The following FOXN1 variants were observed in gnomAD, a reference collection of about 807,000 sequenced individuals.
FOXN1 encodes forkhead box protein N1.
FOXN1 carries 15 observed loss-of-function variants against 49.0 expected under a neutral mutation model. The ratio of observed to expected loss-of-function variants is 0.31; its 90% CI spans 0.20 to 0.47. The LOEUF (loss-of-function observed/expected upper bound fraction) is 0.47, where lower values mean the gene tolerates loss of function less well. FOXN1 is among the 20% of genes least tolerant of loss of function. FOXN1 has a pLI of 1.00. For missense variants in FOXN1, 800 were observed against 842.8 expected (o/e 0.95, Z 0.63); for synonymous variants, 356 against 369.0 (o/e 0.96, Z 0.40).
chr17:28,526,674 T>C (rs940579952), intron 3 of FOXN1, among the ~76,000 whole-genome samples: 3 of 152,128 alleles, frequency 2.0e-5, no homozygotes, highest in African/African-American at 7.2e-5. Context: ...GCATCAGGGA[T>C]GGCCAGGAGT....
intron 1 of FOXN1, among the ~76,000 whole-genome samples, chr17:28,523,374 G>A (rs941049161): frequency 3.3e-5 from 5 of 152,186 alleles, no homozygotes; most frequent in African/African-American, 1.2e-4. Context: ...TACACACTGT[G>A]GTCACATCAG....
chr17:28,537,377 G>A lies in FOXN1; in HGVS notation c.1888G>A (p.Ala630Thr). 6.2e-7 allele frequency: 1 copy of A among 1,612,784 alleles called. No homozygotes were observed. The highest frequency in any genetic ancestry group is 8.5e-7 in the Non-Finnish European group (1 of 1,179,444). ...GGAGCTGGAGCCCACGCCCCCCACG[G>A]CCCCTGCAGGCCCCTCTGTGTACCT... ...FMELEPTPPT[A>T]PAGPSVYLSP... The change falls in exon 9 of 9, where the codon GCC (alanine) becomes ACC (threonine). Residue 630 changes from alanine (A) to threonine (T), a missense_variant. Transcript: ENST00000579795.
chr17:28,519,237 G>A (rs1441187728), intron 1 of FOXN1, among the ~76,000 whole-genome samples: 3 of 152,118 alleles, frequency 2.0e-5, no homozygotes, highest in Non-Finnish European at 2.9e-5. Flanking sequence ...AGGCTAAGGC[G>A]GGAGGATCAG....
chr17:28,513,843 G>A (rs2069441351), intron 1 of FOXN1, among the ~76,000 whole-genome samples: 1 of 152,244 alleles, frequency 6.6e-6, no homozygotes. Flanking sequence ...GAGAGGGGCT[G>A]GAGAGACGGG....
intron 1 of FOXN1, among the ~76,000 whole-genome samples, chr17:28,523,495 A>G (rs1449935329): frequency 6.6e-6 from 1 of 151,136 alleles, no homozygotes; most frequent in East Asian, 2.0e-4. Flanking sequence ...GCACCAGCTC[A>G]CTCTCCCCTC....
chr17:28,535,563 A>T (rs1271462679), intron 8 of FOXN1, among the ~76,000 whole-genome samples: 1 of 152,178 alleles, frequency 6.6e-6, no homozygotes, highest in Non-Finnish European at 1.5e-5. Context: ...CAGCTTGGCC[A>T]ACATGGAGAA....
intron 2 of FOXN1, 61 bp downstream of exon 2, chr17:28,524,153 G>A: frequency 6.6e-7 from 1 of 1,519,294 alleles, no homozygotes; most frequent in Non-Finnish European, 8.9e-7. Flanking sequence ...CAGGCAACAA[G>A]AAGACCAGTC....
chr17:28,524,136 G>A (rs528150995), intron 2 of FOXN1, 44 bp downstream of exon 2: 36 of 1,539,814 alleles, frequency 2.3e-5, no homozygotes, highest in Middle Eastern at 2.3e-4. Flanking sequence ...CAAGGCCTGC[G>A]GCTGCCCAGG....
chr17:28,514,932 A>G (rs2069465033), intron 1 of FOXN1, among the ~76,000 whole-genome samples: 1 of 152,226 alleles, frequency 6.6e-6, no homozygotes, highest in African/African-American at 2.4e-5. Context: ...GGCGTTACCA[A>G]GGTGGGGCCG....
rs368261937 is a variant in FOXN1, at chr17:28,535,093, G to A, written c.1522G>A (p.Glu508Lys). The A allele has an allele frequency of 3.4e-5, 55 of 1,607,186 alleles. No homozygotes were observed. The highest frequency in any genetic ancestry group is 8.9e-5 in the East Asian group (4 of 44,756). The change falls in exon 8 of 9, where the codon GAG becomes AAG. Residue 508 changes from glutamate to lysine, a missense_variant. By Grantham distance (56) the Glu-to-Lys change is moderately conservative. Transcript: ENST00000579795. ...CAGCCACAGTGCCAAGCTACTGGCC[G>A]AGCCTTCCCCAGCCAGGACTATGCA... ...PPSHSAKLLA[E>K]PSPARTMHDT... is the part of the protein sequence containing the mutation.
intron 8 of FOXN1, among the ~76,000 whole-genome samples, chr17:28,535,643 C>T (rs1033213296): frequency 6.6e-6 from 1 of 152,132 alleles, no homozygotes. Context: ...CCCAGCTACT[C>T]GAGGCTAGAG....
At position 28,524,955 on chromosome 17, in the gene FOXN1, C is replaced by T; in HGVS notation, c.576C>T (p.Gly192=). 1 of 1,608,864 alleles carries T rather than the reference C, an allele frequency of 6.2e-7. No homozygotes were observed. The highest frequency in any genetic ancestry group is 8.5e-7 in the Non-Finnish European group (1 of 1,178,292). ...NGLPYPSQEH[G]PQVLGSEVKV... ...TCCCCTACCCCAGCCAGGAGCATGG[C>T]CCCCAAGTCCTGGTGAGTACTAGTG... The change falls in exon 3 of 9, where the codon GGC becomes GGT. Residue 192 remains glycine, a synonymous_variant. Transcript: ENST00000579795.
intron 1 of FOXN1, among the ~76,000 whole-genome samples, chr17:28,510,503 C>T (rs1165981813): frequency 4.0e-5 from 6 of 151,510 alleles, no homozygotes; most frequent in East Asian, 1.9e-4. Context: ...AGCCATGTCC[C>T]GGACTGCACC....
intron 1 of FOXN1, among the ~76,000 whole-genome samples, chr17:28,515,284 CACTTCCACAGGGTACAT>C (rs2069471427): frequency 6.6e-6 from 1 of 151,662 alleles, no homozygotes; most frequent in African/African-American, 2.4e-5. Flanking sequence ...ACAGGGTACA[CACTTCCACAGGGTACAT>C]ACCTCCAAAG....
Position 28,534,772 on chromosome 17 carries a change from C to A in FOXN1, c.1201C>A (p.Pro401Thr). The stretch of plus-strand genomic sequence containing the variant: ...GGGCTCCCCACTCCTGGGCTGTCCG[C>A]CCCCTGGGCTGTCCGGCTCAGGCCC... The part of the protein sequence containing the change: ...KLGSPLLGCP[P>T]PGLSGSGPIR... The change falls in exon 8 of 9, where the codon CCC (proline) becomes ACC (threonine). Residue 401 changes from proline to threonine, a missense_variant. Physicochemically the swap from Pro to Thr is conservative, Grantham distance 38. Transcript: ENST00000579795. The surrounding 1 kb of genome is among the most constrained non-coding windows in gnomAD (Gnocchi z 4.1). 2 of 1,613,174 alleles carry A rather than the reference C, an allele frequency of 1.2e-6. No individual in the cohort carries two copies. Among genetic ancestry groups the A allele is most frequent in the South Asian group, 1.1e-5 (1 of 91,024 alleles).
intron 1 of FOXN1, among the ~76,000 whole-genome samples, chr17:28,514,917 G>A (rs2069464774): frequency 6.6e-6 from 1 of 152,140 alleles, no homozygotes; most frequent in Non-Finnish European, 1.5e-5. Context: ...GAGCAGGGAG[G>A]CTGAGGCGTT....
chr17:28,529,506 C>A (rs2069855591), intron 5 of FOXN1, among the ~76,000 whole-genome samples: 1 of 152,136 alleles, frequency 6.6e-6, no homozygotes, highest in Non-Finnish European at 1.5e-5. Context: ...CCTCCTAGGG[C>A]CCAGGGCCTG....
In FOXN1 at chr17:28,528,793, G is replaced by A. The variant is rs57293524; in HGVS notation, c.700-301G>A. On this transcript the variant is annotated intron_variant, in intron 4 of 8. Coordinates refer to ENST00000579795, the MANE Select transcript of FOXN1 (RefSeq NM_001369369.1). Reference sequence around the variant, plus strand: ...ACCTTCCTGGAAGGGTGCAGGGGCCGAGGGCTTCACTTCATACTCTCCCTG... The same window carrying A: ...ACCTTCCTGGAAGGGTGCAGGGGCCAAGGGCTTCACTTCATACTCTCCCTG... Among the ~76,000 whole-genome samples the A allele has an allele frequency of 0.016, 2,457 of 152,278 alleles. 60 individuals are homozygous for A. The highest frequency in any genetic ancestry group is 0.056 in the African/African-American group (2,317 of 41,540).
At chr17:28,524,231 G>T in intron 2 of FOXN1, 139 bp downstream of exon 2, 1 of 891,232 alleles carries the variant, frequency 1.1e-6, no homozygotes. Context: ...AGTCCTCAGG[G>T]ACCCCGAGAT....
Sources: gnomAD v4.1 joint callset for allele counts (sites outside exome capture counted in the v4.1 genomes callset) on GRCh38, gnomAD v4.1.1 for gene constraint, Gnocchi (gnomAD v3.1) non-coding constraint, MANE v1.5 for transcripts, NCBI Gene and HGNC (gene_info 2026-07-23, HGNC 2026-07-21) for gene names.